Variants in RPS6KA3 observed in about 807,000 individuals in gnomAD.
RPS6KA3 encodes the protein ribosomal protein S6 kinase alpha-3.
RPS6KA3 carries 4 observed loss-of-function variants against 67.2 expected under a neutral mutation model. The ratio of observed to expected loss-of-function variants is 0.06; its 90% CI spans 0.03 to 0.14. The LOEUF (loss-of-function observed/expected upper bound fraction) is 0.14. RPS6KA3 is among the 10% of genes least tolerant of loss of function. The pLI, the probability that RPS6KA3 is intolerant of heterozygous loss-of-function variation, is 1.00. For synonymous variants in RPS6KA3, 182 were observed against 183.7 expected, an observed-to-expected ratio of 0.99 and a Z score of 0.07; for missense variants, 204 against 559.0, an observed-to-expected ratio of 0.36 and a Z score of 6.40.
At chrX:20,256,410 A>C (rs1268719754) in intron 1 of RPS6KA3, among the ~76,000 whole-genome samples, 1 of 110,984 alleles carries the variant, frequency 9.0e-6, no homozygotes, top group Admixed American at 9.6e-5. Flanking sequence ...TAGAGAGGTA[A>C]CGATTTAATA....
chrX:20,178,481 G>GTT (rs59662504), intron 10 of RPS6KA3, among the ~76,000 whole-genome samples: 13 of 84,430 alleles, frequency 1.5e-4, no homozygotes, highest in East Asian at 3.7e-4. Flanking sequence ...AAACAAATCA[G>GTT]TTTTTTTTTT....
chrX:20,229,039 T>C (rs1490299803), intron 2 of RPS6KA3, among the ~76,000 whole-genome samples: 1 of 111,478 alleles, frequency 9.0e-6, no homozygotes. Flanking sequence ...AGTGAATGAC[T>C]AGATGTAGTT....
chrX:20,221,913 GAAT>G (rs1038683638), intron 2 of RPS6KA3, among the ~76,000 whole-genome samples: 18 of 112,482 alleles, frequency 1.6e-4, no homozygotes, highest in African/African-American at 5.5e-4. Context: ...GGAAGAACCT[GAAT>G]AATAAGGAAG....
intron 6 of RPS6KA3, 80 bp from the exon 7 acceptor site, chrX:20,193,673 T>C (rs1162476354): frequency 3.5e-6 from 2 of 573,390 alleles, no homozygotes; most frequent in Non-Finnish European, 5.6e-6. Context: ...AGAGTTTAAA[T>C]ATCCTAAAAA....
chrX:20,265,118 A>G (rs1033480263), intron 1 of RPS6KA3, among the ~76,000 whole-genome samples: 1 of 111,744 alleles, frequency 8.9e-6, no homozygotes, highest in African/African-American at 3.3e-5. Flanking sequence ...TTTCCATTGA[A>G]GAGCAGCATT....
intron 1 of RPS6KA3, among the ~76,000 whole-genome samples, chrX:20,256,172 CAAAAAA>C (rs35947983): frequency 3.5e-4 from 5 of 14,467 alleles, no homozygotes; most frequent in African/African-American, 9.3e-4. Flanking sequence ...GACACCGTCT[CAAAAAA>C]AAAAAAAAAA....
intron 1 of RPS6KA3, among the ~76,000 whole-genome samples, chrX:20,255,122 G>A (rs1367262343): frequency 3.6e-5 from 4 of 112,053 alleles, no homozygotes; most frequent in African/African-American, 3.3e-5. Context: ...ACAAACTGTG[G>A]TATATCCATA....
intron 19 of RPS6KA3, among the ~76,000 whole-genome samples, chrX:20,162,563 G>C (rs921339479): frequency 9.1e-6 from 1 of 109,592 alleles, no homozygotes; most frequent in African/African-American, 3.3e-5. Context: ...ACCTACATAG[G>C]CCAGGTACAG....
chrX:20,226,450 A>G (rs2069124441), intron 2 of RPS6KA3, among the ~76,000 whole-genome samples: 1 of 112,002 alleles, frequency 8.9e-6, no homozygotes, highest in South Asian at 3.7e-4. Flanking sequence ...TTTTAGTCAA[A>G]CTGATTTAGC....
chrX:20,242,041 C>T (rs955387367), intron 1 of RPS6KA3, among the ~76,000 whole-genome samples: 20 of 111,409 alleles, frequency 1.8e-4, no homozygotes, highest in Non-Finnish European at 1.9e-5. Context: ...AACCTAATAT[C>T]TAGAAATAAC....
intron 1 of RPS6KA3, among the ~76,000 whole-genome samples, chrX:20,259,021 G>A: frequency 9.0e-6 from 1 of 111,653 alleles, no homozygotes; most frequent in Non-Finnish European, 1.9e-5. Context: ...GAGCCATTCT[G>A]TTATGGTATG....
At chrX:20,234,036 G>A (rs953593717) in intron 2 of RPS6KA3, among the ~76,000 whole-genome samples, 3 of 111,965 alleles carry the variant, frequency 2.7e-5, no homozygotes, top group Admixed American at 9.5e-5. Flanking sequence ...TAGTTACTGG[G>A]GATTCAGGAG....
intron 1 of RPS6KA3, among the ~76,000 whole-genome samples, chrX:20,249,600 G>A (rs1398711220): frequency 1.8e-5 from 2 of 111,890 alleles, no homozygotes; most frequent in Non-Finnish European, 3.8e-5. Context: ...CATCTTTGGT[G>A]AAGTGTCTGT....
chrX:20,248,977 G>GACC (rs2069783793), intron 1 of RPS6KA3, among the ~76,000 whole-genome samples: 1 of 111,245 alleles, frequency 9.0e-6, no homozygotes, highest in South Asian at 3.8e-4. Context: ...GCCCCTTTAC[G>GACC]ACCACACTTC....
chrX:20,192,375 C>T (rs2068154427), intron 7 of RPS6KA3, among the ~76,000 whole-genome samples: 1 of 106,926 alleles, frequency 9.4e-6, no homozygotes. Flanking sequence ...ACCATCCCTC[C>T]TGCCAAAAAA....
At chrX:20,247,567 A>G (rs1352888913) in intron 1 of RPS6KA3, among the ~76,000 whole-genome samples, 3 of 111,181 alleles carry the variant, frequency 2.7e-5, no homozygotes, top group Non-Finnish European at 5.7e-5. Context: ...CGGGTGGATC[A>G]CGAGGTCAGG....
chrX:20,177,760 G>A (rs1158268128), intron 10 of RPS6KA3, among the ~76,000 whole-genome samples: 1 of 111,811 alleles, frequency 8.9e-6, no homozygotes, highest in African/African-American at 3.3e-5. Context: ...GGGAATTTAA[G>A]AAACCTAACA....
rs747356497 is a variant in RPS6KA3, at chrX:20,152,809, A to G, written c.*2589T>C. 4.5e-5 allele frequency: 5 copies of G among 112,191 alleles called. No homozygotes were observed. Among genetic ancestry groups the G allele is most frequent in the Non-Finnish European group, 7.5e-5 (4 of 53,240 alleles). The allele number at this position is 112,191 out of a possible 1,213,427, so 9.2% of individuals were successfully genotyped here. On this transcript the variant is annotated 3_prime_UTR_variant, in exon 22 of 22. Coordinates refer to ENST00000379565, the MANE Select transcript of RPS6KA3 (RefSeq NM_004586.3). ...ATAAAATTGGCTGCTTGGCTAGGCAAAGAAGGCAATTATCTTCGAAAGAAA... is the reference window on the plus strand; with the variant it reads ...ATAAAATTGGCTGCTTGGCTAGGCAGAGAAGGCAATTATCTTCGAAAGAAA...
chrX:20,266,581 G>T lies in RPS6KA3; in HGVS notation c.52C>A (p.Pro18Thr). The T allele has an allele frequency of 1.7e-6, 2 of 1,153,251 alleles. No individual in the cohort carries two copies. Among genetic ancestry groups the T allele is most frequent in the Non-Finnish European group, 2.3e-6 (2 of 868,430 alleles). ...GCACTCACCTCAGCGCTGTCGGACGGGCTCTCCACAGCCATCTTCTGCCAC... is the reference window on the plus strand; with the variant it reads ...GCACTCACCTCAGCGCTGTCGGACGTGCTCTCCACAGCCATCTTCTGCCAC... ...DPWQKMAVES[P>T]SDSAENGQQI... Residue 18 changes from proline (P) to threonine (T), a missense_variant, in exon 1 of 22, where the codon CCG (proline) becomes ACG (threonine). Around this residue, in one of 4 missense-constraint regions of RPS6KA3, gnomAD observed 31 missense variants for 42.5 expected, o/e 0.73. Coordinates refer to ENST00000379565, the MANE Select transcript of RPS6KA3 (RefSeq NM_004586.3).
Sources: gnomAD v4.1 joint callset for allele counts (sites outside exome capture counted in the v4.1 genomes callset) on GRCh38, gnomAD v4.1.1 for gene constraint, gnomAD v4.1.1 regional missense constraint, MANE v1.5 for transcripts, NCBI Gene and HGNC (gene_info 2026-07-23, HGNC 2026-07-21) for gene names.